The following BAZ2B variants were observed in gnomAD, a reference collection of about 807,000 sequenced individuals.
The protein encoded by BAZ2B is bromodomain adjacent to zinc finger domain protein 2B.
BAZ2B carries 91 observed loss-of-function variants against 246.0 expected under a neutral mutation model. The observed-to-expected ratio is 0.37, with a 90% CI of 0.31 to 0.44. The LOEUF (loss-of-function observed/expected upper bound fraction) is 0.44. BAZ2B is among the 20% of genes least tolerant of loss of function. The pLI is 1.00. For synonymous variants in BAZ2B, 855 were observed against 860.0 expected (o/e 0.99, Z 0.10); for missense variants, 2,332 against 2,533.7 (o/e 0.92, Z 1.71).
the BAZ2B span, among the ~76,000 whole-genome samples, chr2:159,704,282 T>C: frequency 2.0e-5 from 3 of 152,160 alleles, no homozygotes; most frequent in African/African-American, 4.8e-5. Context: ...GTATATGTAT[T>C]CAATGGCTTT....
the BAZ2B span, among the ~76,000 whole-genome samples, chr2:159,675,775 T>C: frequency 6.6e-6 from 1 of 152,176 alleles, no homozygotes; most frequent in Non-Finnish European, 1.5e-5. Context: ...CGGGTCTCAC[T>C]GTCACCCAGG....
intron 3 of BAZ2B, among the ~76,000 whole-genome samples, chr2:159,473,477 A>G (rs1256690042): frequency 3.3e-5 from 5 of 152,014 alleles, no homozygotes; most frequent in Non-Finnish European, 7.4e-5. Flanking sequence ...TAGTCTGGCT[A>G]GCAGTCTATT....
chr2:159,325,201 G>A (rs2063534562), intron 35 of BAZ2B, among the ~76,000 whole-genome samples: 1 of 136,344 alleles, frequency 7.3e-6, no homozygotes, highest in Non-Finnish European at 1.6e-5. Flanking sequence ...CACCATCTCG[G>A]CTCACTACAA....
Position 159,382,875 on chromosome 2 carries a change from AGTTGTATGC to A in BAZ2B, c.3762-82_3762-74del. ...TATACTTTTAAAAGAGCAAAACATGAGTTGTATGCAAAAATACCTTATGGCATTTCTTTT... is the reference window on the plus strand; with the variant it reads ...TATACTTTTAAAAGAGCAAAACATGAAAAAATACCTTATGGCATTTCTTTT... On this transcript the variant is annotated intron_variant, in intron 24 of 36. Transcript: ENST00000392783. The A allele has an allele frequency of 3.3e-6, 5 of 1,526,200 alleles. No individual in the cohort carries two copies. In the Admixed American group the frequency reaches 6.0e-5, roughly 18 times the overall value. 94.5% of individuals were successfully genotyped at this position (1,526,200 alleles called of 1,614,324 possible).
intron 2 of BAZ2B, among the ~76,000 whole-genome samples, chr2:159,535,347 C>T (rs2085846784): frequency 7.0e-6 from 1 of 143,404 alleles, no homozygotes; most frequent in Non-Finnish European, 1.5e-5. Flanking sequence ...TATGGTGAAA[C>T]CCCGTCTCCA....
chr2:159,544,588 T>C (rs1041389108), intron 2 of BAZ2B, among the ~76,000 whole-genome samples: 2 of 152,188 alleles, frequency 1.3e-5, no homozygotes, highest in African/African-American at 4.8e-5. Context: ...ACCAATCCTA[T>C]ATAGAGAGCT....
At chr2:159,686,700 G>C in the BAZ2B span, among the ~76,000 whole-genome samples, 4 of 152,036 alleles carry the variant, frequency 2.6e-5, no homozygotes, top group African/African-American at 9.7e-5. Flanking sequence ...AATAGTCTGG[G>C]GTTTAGATAA....
intron 4 of BAZ2B, among the ~76,000 whole-genome samples, chr2:159,449,685 C>T (rs1190707718): frequency 1.3e-5 from 2 of 152,190 alleles, no homozygotes; most frequent in Admixed American, 6.5e-5. Flanking sequence ...AATGTATATT[C>T]AGCCATGCCT....
At chr2:159,326,592 C>T (rs754899507) in intron 34 of BAZ2B, among the ~76,000 whole-genome samples, 3 of 152,094 alleles carry the variant, frequency 2.0e-5, no homozygotes, top group Non-Finnish European at 2.9e-5. Context: ...TACTTGGAAT[C>T]GAAGGATATG....
the BAZ2B span, among the ~76,000 whole-genome samples, chr2:159,666,363 G>A: frequency 6.7e-6 from 1 of 148,962 alleles, no homozygotes; most frequent in Non-Finnish European, 1.5e-5. Context: ...TGACTCAGGT[G>A]ATCTTCCAAC....
At chr2:159,444,410 C>G (rs535385767) in intron 6 of BAZ2B, 9 of 152,208 alleles carry the variant, frequency 5.9e-5, no homozygotes, top group African/African-American at 2.2e-4. Flanking sequence ...TACCAGATGG[C>G]CTTCCCCCAA....
chr2:159,439,106 A>C lies in BAZ2B; in HGVS notation c.803T>G (p.Leu268Arg). ...EGISSSDSDD[L>R]EEDEEEEDQS... The stretch of plus-strand genomic sequence containing the variant: ...ATCTTCTTCTTCTTCATCTTCTTCT[A>C]GATCATCTGAATCACTGCTACTAAT... Residue 268 changes from leucine (L) to arginine (R), a missense_variant, in exon 7 of 37, where the codon CTA (leucine) becomes CGA (arginine). This residue lies in a region of BAZ2B where 161 missense variants were observed against 225.8 expected (regional missense o/e 0.71). Transcript: ENST00000392783. 1 of 1,613,884 alleles carries C rather than the reference A, an allele frequency of 6.2e-7. No homozygotes were observed. The highest frequency in any genetic ancestry group is 8.5e-7 in the Non-Finnish European group (1 of 1,179,926).
chr2:159,495,393 G>A (rs1272090333), intron 2 of BAZ2B, among the ~76,000 whole-genome samples: 1 of 144,708 alleles, frequency 6.9e-6, no homozygotes, highest in African/African-American at 2.6e-5. Context: ...GCTGAGGCAG[G>A]AGAATGGCGT....
intron 1 of BAZ2B, among the ~76,000 whole-genome samples, chr2:159,582,346 A>T (rs977428255): frequency 2.0e-5 from 3 of 152,226 alleles, no homozygotes; most frequent in Non-Finnish European, 4.4e-5. Context: ...TTTCTCCGGT[A>T]AGAATATATC....
chr2:159,363,552 G>C (rs2149313273), intron 27 of BAZ2B, among the ~76,000 whole-genome samples: 1 of 152,188 alleles, frequency 6.6e-6, no homozygotes, highest in Non-Finnish European at 1.5e-5. Flanking sequence ...AAAGAGACAG[G>C]GTCTCATGAG....
chr2:159,660,804 G>T, the BAZ2B span, among the ~76,000 whole-genome samples: 1 of 152,024 alleles, frequency 6.6e-6, no homozygotes, highest in African/African-American at 2.4e-5. Context: ...TACCATGTTG[G>T]TCAGGCTGGT....
intron 1 of BAZ2B, among the ~76,000 whole-genome samples, chr2:159,592,209 T>C (rs6432539): frequency 0.55 from 84,049 of 152,136 alleles, 23,985 homozygotes; most frequent in East Asian, 0.75. Context: ...TGCATATCAA[T>C]AAATTACATA....
At chr2:159,400,518 A>G in intron 17 of BAZ2B, 81 bp downstream of exon 17, 1 of 810,642 alleles carries the variant, frequency 1.2e-6, no homozygotes, top group East Asian at 2.8e-5. Context: ...GTGAGAAAAC[A>G]TGCACGCAAA....
At chr2:159,681,722 G>A in the BAZ2B span, among the ~76,000 whole-genome samples, 4 of 152,046 alleles carry the variant, frequency 2.6e-5, no homozygotes, top group Admixed American at 2.6e-4. Flanking sequence ...CCTGAGGTCA[G>A]GAGACCAGCC....
Sources: allele counts gnomAD v4.1 joint callset (sites outside exome capture counted in the v4.1 genomes callset), GRCh38; gene constraint gnomAD v4.1.1; regional missense constraint gnomAD v4.1.1; transcripts MANE v1.5; gene names NCBI Gene and HGNC (gene_info 2026-07-23, HGNC 2026-07-21).